The following ATP13A1 variants were observed in gnomAD, a reference collection of about 807,000 sequenced individuals.
ATP13A1 encodes endoplasmic reticulum transmembrane helix translocase.
In ATP13A1, 55 loss-of-function variants were observed where a neutral mutation model predicts 134.8. The ratio of observed to expected loss-of-function variants is 0.41; its 90% CI spans 0.33 to 0.51. The LOEUF (loss-of-function observed/expected upper bound fraction) is 0.51, where lower values mean the gene tolerates loss of function less well. Ranked by LOEUF, ATP13A1 falls within the 20% of genes least tolerant of loss-of-function variation. The pLI, the probability that ATP13A1 is intolerant of heterozygous loss-of-function variation, is 0.29. For missense variants in ATP13A1, 1,389 were observed against 1,652.8 expected, an observed-to-expected ratio of 0.84 and a Z score of 2.77; for synonymous variants, 775 against 725.1, an observed-to-expected ratio of 1.07 and a Z score of -1.10.
rs1404150864 is a variant in ATP13A1, at chr19:19,656,828, G to A, written c.976+19C>T. On this transcript the variant is annotated intron_variant, in intron 6 of 25. Coordinates refer to ENST00000357324, the MANE Select transcript of ATP13A1 (RefSeq NM_020410.3). This position sits in a 1 kb window ranked among gnomAD's most constrained non-coding sequence, Gnocchi z 4.6. ...TGAGGCTGGGGCTCCCACTGGGACT[G>A]AGCGGAACCCGGCCTCACCGATGGA... is the stretch of plus-strand genomic sequence containing the variant. The A allele has an allele frequency of 1.2e-6, 2 of 1,612,304 alleles. No individual in the cohort carries two copies. Among genetic ancestry groups the A allele is most frequent in the African/African-American group, 1.3e-5 (1 of 74,998 alleles).
At position 19,663,337 on chromosome 19, in the gene ATP13A1, C is replaced by T; in HGVS notation, c.330G>A (p.Ala110=). The T allele has an allele frequency of 6.3e-7, 1 of 1,592,252 alleles. No individual in the cohort carries two copies. The highest frequency in any genetic ancestry group is 1.1e-5 in the South Asian group (1 of 87,918). Residue 110 remains alanine, a synonymous_variant, in exon 1 of 26, where the codon GCG becomes GCA. Transcript: ENST00000357324. ...GCCCCGAGAGGACAGTGAGCGCGTG[C>T]GCGAGGCAGATGGTGGCAAGCACGA... ...ALLVLATICL[A]HALTVLSGHW... is the part of the protein sequence containing the mutation.
intron 22 of ATP13A1, chr19:19,646,715 G>A: frequency 2.6e-6 from 1 of 389,998 alleles, no homozygotes; most frequent in Non-Finnish European, 4.7e-6. Context: ...CCTGTTTGGG[G>A]CCTTTGTGTC....
At chr19:19,652,477 C>T (rs2062030984) in intron 16 of ATP13A1, 118 bp downstream of exon 16, 1 of 1,398,790 alleles carries the variant, frequency 7.1e-7, no homozygotes, top group South Asian at 1.4e-5. Context: ...TATGATCTTG[C>T]TCAGCTAAAA....
In ATP13A1 at chr19:19,646,209, C is replaced by T. The variant is rs375254274; in HGVS notation, c.3244G>A (p.Glu1082Lys). 32 of 1,613,438 alleles carry T rather than the reference C, an allele frequency of 2.0e-5. No individual in the cohort carries two copies. The highest frequency in any genetic ancestry group is 1.6e-4 in the Middle Eastern group (1 of 6,084). Reference protein sequence around the residue: ...LYREAQARSPEKQEQFVDLYK... With the variant: ...LYREAQARSPKKQEQFVDLYK... ...CTCCTCCAAGGCAGCACTTACTTCT[C>T]GGGGCTCCGGGCCTGGGCCTCACGG... The change falls in exon 23 of 26, where the codon GAG becomes AAG. Residue 1082 changes from glutamate (E) to lysine (K), a missense_variant. Physicochemically the swap from Glu to Lys is moderately conservative, Grantham distance 56 (BLOSUM62 1). Around this residue, in one of 4 missense-constraint regions of ATP13A1, gnomAD observed 228 missense variants for 321.0 expected, o/e 0.71. Transcript: ENST00000357324.
At chr19:19,649,994 G>A in intron 17 of ATP13A1, 54 bp from the exon 18 acceptor site, 3 of 1,481,884 alleles carry the variant, frequency 2.0e-6, no homozygotes, top group Admixed American at 2.0e-5. Flanking sequence ...GGGCTCAGAA[G>A]CACCCTCCCT....
chr19:19,647,340 G>A lies in ATP13A1; in HGVS notation c.2909-15C>T. ...CACGTGGCAGACTGCAGGGTGGTGG[G>A]GAGGCAGGTGTGGGTGTGGGTAGGG... On this transcript the variant is annotated splice_polypyrimidine_tract_variant and intron_variant, in intron 21 of 25. Coordinates refer to ENST00000357324, the MANE Select transcript of ATP13A1 (RefSeq NM_020410.3). This position sits in a 1 kb window ranked among gnomAD's most constrained non-coding sequence, Gnocchi z 4.8. The A allele has an allele frequency of 6.2e-7, 1 of 1,611,628 alleles. No homozygotes were observed. Among genetic ancestry groups the A allele is most frequent in the South Asian group, 1.1e-5 (1 of 90,968 alleles).
At chr19:19,657,246 T>A (rs1368867818) in intron 4 of ATP13A1, 90 bp downstream of exon 4, 3 of 1,493,396 alleles carry the variant, frequency 2.0e-6, no homozygotes, top group Non-Finnish European at 2.7e-6. Context: ...GGGGAGAGGC[T>A]TCCAGGTTTA....
chr19:19,661,118 C>G (rs1437581880), intron 1 of ATP13A1, among the ~76,000 whole-genome samples: 1 of 152,030 alleles, frequency 6.6e-6, no homozygotes, highest in Non-Finnish European at 1.5e-5. Context: ...CCCCAAAAAA[C>G]AAAACAAAAA....
chr19:19,651,084 T>C (rs1257789210), intron 17 of ATP13A1: 1 of 151,856 alleles, frequency 6.6e-6, no homozygotes, highest in Non-Finnish European at 1.5e-5. Context: ...GCAAGTGGGT[T>C]CACTTCTGAG....
rs1001799155 is a variant in ATP13A1 at position 19,656,533 on chromosome 19, A to G, written c.1083+127T>C. The G allele has an allele frequency of 1.2e-4, 124 of 1,040,600 alleles. No homozygotes were observed. The highest frequency in any genetic ancestry group is 1.6e-4 in the Non-Finnish European group (112 of 711,570). The allele number at this position is 1,040,600 out of a possible 1,614,324, so 64.5% of individuals were successfully genotyped here. A position where few individuals can be genotyped will look rare whatever the true frequency, so the allele number is the denominator to read the frequency against. Reference sequence around the variant, plus strand: ...CACCACCCGGCTCCCCAGTCCACAGAGCTCATCTGTGCCCACACTGCCTCC... The same window carrying G: ...CACCACCCGGCTCCCCAGTCCACAGGGCTCATCTGTGCCCACACTGCCTCC... On this transcript the variant is annotated intron_variant, in intron 7 of 25. Transcript: ENST00000357324. The surrounding 1 kb of genome is among the most constrained non-coding windows in gnomAD (Gnocchi z 4.6).
Position 19,659,798 on chromosome 19 carries a change from T to C in ATP13A1, c.487-7A>G, listed in dbSNP as rs771330285. ...CCTCAAGCCCGTCTTCGCCCTGCGGTAGAAGGTGTGTTTGCCACAGAGGCC... is the reference window on the plus strand; with the variant it reads ...CCTCAAGCCCGTCTTCGCCCTGCGGCAGAAGGTGTGTTTGCCACAGAGGCC... On this transcript the variant is annotated splice_region_variant and splice_polypyrimidine_tract_variant and intron_variant, in intron 2 of 25. Coordinates refer to ENST00000357324, the MANE Select transcript of ATP13A1 (RefSeq NM_020410.3). The C allele has an allele frequency of 1.2e-6, 2 of 1,612,596 alleles. No individual in the cohort carries two copies. The highest frequency in any genetic ancestry group is 1.1e-5 in the South Asian group (1 of 90,998).
chr19:19,649,424 C>T (rs1362838936), intron 19 of ATP13A1, 143 bp downstream of exon 19: 1 of 874,614 alleles, frequency 1.1e-6, no homozygotes, highest in African/African-American at 1.7e-5. Context: ...CCCTCAAAGC[C>T]CCTGACCTTG....
intron 1 of ATP13A1, chr19:19,663,038 G>A (rs1599440929): frequency 4.2e-6 from 3 of 719,452 alleles, no homozygotes; most frequent in African/African-American, 3.5e-5. Context: ...GAATCTAAAT[G>A]ACCATAACAG....
rs1296218423 is a variant in ATP13A1 at position 19,663,382 on chromosome 19, C to G, written c.285G>C (p.Gln95His). Residue 95 changes from glutamine (Q) to histidine (H), a missense_variant, in exon 1 of 26, where the codon CAG (glutamine) becomes CAC (histidine). By Grantham distance (24) the Gln-to-His change is conservative. Transcript: ENST00000357324. ...GCWGWGSSWV[Q>H]IPEAALLVLA... ...GCACGAGCAGCGCAGCTTCGGGGAT[C>G]TGCACCCAACTGCTGCCCCAGCCCC... 6 of 1,586,766 alleles carry G rather than the reference C, an allele frequency of 3.8e-6. No homozygotes were observed. Among genetic ancestry groups the G allele is most frequent in the Non-Finnish European group, 5.1e-6 (6 of 1,168,294 alleles).
Position 19,653,950 on chromosome 19 carries a change from CA to C in ATP13A1, c.1989+18del, listed in dbSNP as rs759989383. On this transcript the variant is annotated intron_variant, in intron 14 of 25. Transcript: ENST00000357324. The surrounding 1 kb of genome is among the most constrained non-coding windows in gnomAD (Gnocchi z 4.2). ...TGCCCCGCGCCCCCACCCCTTGCCC[CA>C]GGCTGGGGCCAGCTCACCATGGAGT... 29 of 1,584,188 alleles carry C rather than the reference CA, an allele frequency of 1.8e-5. No individual in the cohort carries two copies. In the South Asian group the frequency reaches 3.3e-4, roughly 18 times the overall value.
chr19:19,646,707 T>C (rs1324294524), intron 22 of ATP13A1: 4 of 378,068 alleles, frequency 1.1e-5, no homozygotes, highest in Non-Finnish European at 2.0e-5. Context: ...AGCCCATGCC[T>C]GTTTGGGGCC....
intron 3 of ATP13A1, among the ~76,000 whole-genome samples, chr19:19,658,724 T>A (rs1469141353): frequency 6.6e-6 from 1 of 152,190 alleles, no homozygotes; most frequent in Non-Finnish European, 1.5e-5. Context: ...TTGGCCATTG[T>A]ACTCAGTACA....
rs77725040 is a variant in ATP13A1 at position 19,655,863 on chromosome 19, G to C, written c.1269+15C>G. On this transcript the variant is annotated intron_variant, in intron 9 of 25. Transcript: ENST00000357324. This position sits in a 1 kb window ranked among gnomAD's most constrained non-coding sequence, Gnocchi z 5.7. The stretch of plus-strand genomic sequence containing the variant: ...ACTGCCCTGGGGCCCGCCCTCCCCA[G>C]ACCTGGCCCCGCACCTGGGATGTGT... The C allele has an allele frequency of 1.9e-5, 30 of 1,574,010 alleles. No homozygotes were observed. The East Asian group carries it at 5.1e-4, about 27-fold the overall frequency.
At chr19:19,657,194 C>A (rs1048837204) in intron 4 of ATP13A1, 45 bp from the exon 5 acceptor site, 2 of 1,489,192 alleles carry the variant, frequency 1.3e-6, no homozygotes, top group Non-Finnish European at 1.8e-6. Context: ...CCGCCCTGTT[C>A]CCATGAGCCC....
Sources: allele counts gnomAD v4.1 joint callset (sites outside exome capture counted in the v4.1 genomes callset), GRCh38; gene constraint gnomAD v4.1.1; regional missense constraint gnomAD v4.1.1; non-coding constraint Gnocchi (gnomAD v3.1); transcripts MANE v1.5; gene names NCBI Gene and HGNC (gene_info 2026-07-23, HGNC 2026-07-21).